CFAP210: variants seen among roughly 807,000 people sequenced by gnomAD.
CFAP210 encodes the protein cilia and flagella associated protein 210.
chr2:169,650,234 T>C, the CFAP210 span: 1 of 1,244,522 alleles, frequency 8.0e-7, no homozygotes, highest in South Asian at 2.3e-5. Context: ...ATATCTTGGC[T>C]AGTTTTTGGT....
At chr2:169,674,756 A>C in the CFAP210 span, 66 of 1,575,064 alleles carry the variant, frequency 4.2e-5, no homozygotes, top group Non-Finnish European at 5.4e-5. Flanking sequence ...AACTCTACTA[A>C]GAAGAAGTCC....
chr2:169,669,823 T>A, the CFAP210 span, among the ~76,000 whole-genome samples: 1,411 of 151,540 alleles, frequency 9.3e-3, 30 homozygotes, highest in African/African-American at 0.033. Context: ...AATCAATAAT[T>A]CTGTGTAGAC....
chr2:169,676,758 A>G, the CFAP210 span, among the ~76,000 whole-genome samples: 1 of 152,210 alleles, frequency 6.6e-6, no homozygotes, highest in African/African-American at 2.4e-5. Context: ...TAAATAATGT[A>G]TACTGCAACA....
At chr2:169,688,611 C>T in the CFAP210 span, among the ~76,000 whole-genome samples, 6 of 152,192 alleles carry the variant, frequency 3.9e-5, no homozygotes, top group Non-Finnish European at 5.9e-5. Context: ...GGTAAAATGA[C>T]GCTAGTCTTT....
chr2:169,690,618 A>G, the CFAP210 span, among the ~76,000 whole-genome samples: 2 of 150,834 alleles, frequency 1.3e-5, no homozygotes, highest in African/African-American at 4.9e-5. Flanking sequence ...AGCCGAGATC[A>G]TGCCACTGCA....
At chr2:169,681,189 G>T in the CFAP210 span, 2 of 1,613,666 alleles carry the variant, frequency 1.2e-6, no homozygotes, top group African/African-American at 2.7e-5. Context: ...TTGCTAGGTA[G>T]AAGAGGCAGA....
chr2:169,692,323 T>C, the CFAP210 span, among the ~76,000 whole-genome samples: 1 of 152,122 alleles, frequency 6.6e-6, no homozygotes, highest in Non-Finnish European at 1.5e-5. Context: ...TGGCTTATGG[T>C]TCTGGAGGCT....
At chr2:169,691,020 G>A in the CFAP210 span, among the ~76,000 whole-genome samples, 2 of 152,150 alleles carry the variant, frequency 1.3e-5, no homozygotes, top group Non-Finnish European at 2.9e-5. Context: ...TCCAGAACTC[G>A]AGTTACATTT....
At chr2:169,649,475 C>T in the CFAP210 span, 2 of 769,868 alleles carry the variant, frequency 2.6e-6, no homozygotes, top group Non-Finnish European at 4.1e-6. Flanking sequence ...CAGAAAAGTG[C>T]ATGCACCTGG....
the CFAP210 span, among the ~76,000 whole-genome samples, chr2:169,668,608 T>C: frequency 6.6e-6 from 1 of 152,194 alleles, no homozygotes; most frequent in Non-Finnish European, 1.5e-5. Flanking sequence ...GAGGCTATTA[T>C]AAGGTTATTA....
the CFAP210 span, among the ~76,000 whole-genome samples, chr2:169,693,778 G>A: frequency 2.0e-5 from 3 of 152,064 alleles, no homozygotes; most frequent in African/African-American, 7.2e-5. Context: ...TTAGAGAGGA[G>A]GAAATGGAGA....
the CFAP210 span, chr2:169,649,400 T>G: frequency 6.6e-7 from 1 of 1,509,206 alleles, no homozygotes; most frequent in East Asian, 2.3e-5. Context: ...CAACCAGTCT[T>G]GTCTGAAAAG....
At chr2:169,679,013 T>G in the CFAP210 span, among the ~76,000 whole-genome samples, 1 of 152,100 alleles carries the variant, frequency 6.6e-6, no homozygotes, top group Non-Finnish European at 1.5e-5. Context: ...GAATAGATAG[T>G]GCAGAAATGT....
the CFAP210 span, among the ~76,000 whole-genome samples, chr2:169,687,150 G>A: frequency 1.6e-3 from 246 of 152,198 alleles, 4 homozygotes; most frequent in East Asian, 0.025. Context: ...CTCCCACAAC[G>A]TGTAGGAATT....
chr2:169,693,980 CTGGGGG>C, the CFAP210 span, among the ~76,000 whole-genome samples: 2 of 118,646 alleles, frequency 1.7e-5, no homozygotes, highest in South Asian at 2.7e-4. Context: ...TCAGCTGGGG[CTGGGGG>C]TGGGGGTCTC....
At chr2:169,673,885 C>A in the CFAP210 span, among the ~76,000 whole-genome samples, 1 of 151,872 alleles carries the variant, frequency 6.6e-6, no homozygotes, top group Non-Finnish European at 1.5e-5. Flanking sequence ...CTGATGCCTC[C>A]TTCATTAAAA....
At chr2:169,649,411 G>T in the CFAP210 span, 1 of 1,434,646 alleles carries the variant, frequency 7.0e-7, no homozygotes, top group Non-Finnish European at 9.5e-7. Context: ...GTCTGAAAAG[G>T]CACAGAGTCA....
the CFAP210 span, among the ~76,000 whole-genome samples, chr2:169,657,250 TAAAAC>T: frequency 6.6e-6 from 1 of 151,768 alleles, no homozygotes; most frequent in African/African-American, 2.4e-5. Flanking sequence ...ATCTAAGAAA[TAAAAC>T]AATAAAAGTT....
the CFAP210 span, among the ~76,000 whole-genome samples, chr2:169,672,734 G>A: frequency 1.3e-4 from 20 of 152,256 alleles, no homozygotes; most frequent in South Asian, 4.1e-3. Flanking sequence ...ACTGGATGGT[G>A]CCCACCCACC....
Sources: allele counts gnomAD v4.1 joint callset (sites outside exome capture counted in the v4.1 genomes callset), GRCh38; gene constraint gnomAD v4.1.1; transcripts MANE v1.5; gene names NCBI Gene and HGNC (gene_info 2026-07-23, HGNC 2026-07-21).